The following SNX31 variants were observed in gnomAD, a reference collection of about 807,000 sequenced individuals.
SNX31 encodes sorting nexin 31.
Under a neutral mutation model 65.4 loss-of-function variants are expected in SNX31, and 58 were observed. That is an observed-to-expected ratio of 0.89 (90% confidence interval 0.72 to 1.10). SNX31 has a LOEUF of 1.10. Among genes scored for constraint, SNX31 ranks in the 50% least tolerant of loss-of-function variants. SNX31 has a pLI of 0.00. For synonymous variants in SNX31, 181 were observed against 190.1 expected, an observed-to-expected ratio of 0.95 and a Z score of 0.39; for missense variants, 523 against 529.7, an observed-to-expected ratio of 0.99 and a Z score of 0.12.
chr8:100,604,291 T>A lies in SNX31; in HGVS notation c.682-3850A>T, dbSNP rs530741548. 6.6e-6 allele frequency among the ~76,000 whole-genome samples: 1 copy of A among 152,346 alleles called. No individual in the cohort carries two copies. The highest frequency in any genetic ancestry group is 1.9e-4 in the East Asian group (1 of 5,190). ...AAAAAAATAATAAAATTAAAAATTTTAAAAATCAAGCAAAATCACATAAGC... is the reference window on the plus strand; with the variant it reads ...AAAAAAATAATAAAATTAAAAATTTAAAAAATCAAGCAAAATCACATAAGC... On this transcript the variant is annotated intron_variant, in intron 8 of 13. Coordinates refer to ENST00000311812, the MANE Select transcript of SNX31 (RefSeq NM_152628.4). The surrounding 1 kb of genome is among the most constrained non-coding windows in gnomAD (Gnocchi z 4.3).
chr8:100,580,725 C>T (rs1437070144), intron 12 of SNX31, among the ~76,000 whole-genome samples: 2 of 152,076 alleles, frequency 1.3e-5, no homozygotes, highest in African/African-American at 4.8e-5. Context: ...ATGGAGCCAC[C>T]CCATCCAGCC....
chr8:100,585,192 A>G (rs1204145085), intron 11 of SNX31, among the ~76,000 whole-genome samples: 1 of 152,162 alleles, frequency 6.6e-6, no homozygotes, highest in Non-Finnish European at 1.5e-5. Flanking sequence ...CTATGAGCAA[A>G]ATTGAAGGTT....
At chr8:100,581,337 C>CTATATCTATATCTA (rs1318531944) in intron 12 of SNX31, among the ~76,000 whole-genome samples, 8 of 125,460 alleles carry the variant, frequency 6.4e-5, no homozygotes, top group African/African-American at 1.6e-4. Context: ...ATCTATCTAT[C>CTATATCTATATCTA]TATATATATA....
intron 8 of SNX31, among the ~76,000 whole-genome samples, chr8:100,603,321 C>G (rs1285381830): frequency 6.6e-6 from 1 of 152,130 alleles, no homozygotes; most frequent in Non-Finnish European, 1.5e-5. Flanking sequence ...AAACAGGAGT[C>G]ACAGCAATAA....
At chr8:100,655,480 T>A (rs1167826794) in intron 1 of SNX31, among the ~76,000 whole-genome samples, 1 of 152,140 alleles carries the variant, frequency 6.6e-6, no homozygotes, top group Non-Finnish European at 1.5e-5. Context: ...TGGTGGTGAA[T>A]ACGTCTCACA....
intron 12 of SNX31, among the ~76,000 whole-genome samples, chr8:100,581,748 T>C (rs899833114): frequency 1.3e-5 from 2 of 152,130 alleles, no homozygotes; most frequent in Non-Finnish European, 2.9e-5. Context: ...AGTTTTGACT[T>C]TGTGTGTTTC....
rs1199260193 is a variant in SNX31, at chr8:100,575,015, T to G, written c.1228-1055A>C. The stretch of plus-strand genomic sequence containing the variant: ...GCAAATCTTTAAAGAGTAATTTGCC[T>G]TCAGTACTTATGAAATCTCAAAGAC... On this transcript the variant is annotated intron_variant, in intron 13 of 13. Transcript: ENST00000311812. This position sits in a 1 kb window ranked among gnomAD's most constrained non-coding sequence, Gnocchi z 5.1. 6.6e-6 allele frequency among the ~76,000 whole-genome samples: 1 copy of G among 152,210 alleles called. No individual in the cohort carries two copies. Among genetic ancestry groups the G allele is most frequent in the African/African-American group, 2.4e-5 (1 of 41,466 alleles).
chr8:100,616,570 A>G (rs1817221402), intron 5 of SNX31, among the ~76,000 whole-genome samples: 1 of 152,236 alleles, frequency 6.6e-6, no homozygotes, highest in South Asian at 2.1e-4. Context: ...TAGAAAGACT[A>G]TGCTGGAAAT....
chr8:100,621,860 C>T (rs1275492016), intron 4 of SNX31, among the ~76,000 whole-genome samples: 1 of 152,162 alleles, frequency 6.6e-6, no homozygotes, highest in Non-Finnish European at 1.5e-5. Context: ...TTTCGATGCT[C>T]AGTGCAATTC....
chr8:100,616,063 A>T (rs528759411), intron 5 of SNX31, among the ~76,000 whole-genome samples: 3 of 152,198 alleles, frequency 2.0e-5, no homozygotes, highest in South Asian at 2.1e-4. Flanking sequence ...CGTGAGCCAC[A>T]GTGCCTGGCC....
chr8:100,596,524 A>T, intron 10 of SNX31, 115 bp downstream of exon 10: 2 of 809,428 alleles, frequency 2.5e-6, no homozygotes, highest in Non-Finnish European at 2.1e-6. Context: ...CTTAGATGTC[A>T]CTCCACTCAA....
chr8:100,608,900 C>A (rs891615111), intron 7 of SNX31, among the ~76,000 whole-genome samples: 3 of 152,130 alleles, frequency 2.0e-5, no homozygotes, highest in Non-Finnish European at 2.9e-5. Context: ...CTGGCATAGT[C>A]AACTGCCCCA....
chr8:100,595,230 G>C (rs190939928), intron 10 of SNX31, among the ~76,000 whole-genome samples: 2 of 151,972 alleles, frequency 1.3e-5, no homozygotes, highest in Non-Finnish European at 2.9e-5. Context: ...GTGGTGTAGG[G>C]AGAAGAATTA....
Position 100,575,787 on chromosome 8 carries a change from A to G in SNX31, c.1227+1232T>C, listed in dbSNP as rs915453697. Among the ~76,000 whole-genome samples the G allele has an allele frequency of 2.0e-5, 3 of 152,056 alleles. No homozygotes were observed. Among genetic ancestry groups the G allele is most frequent in the Admixed American group, 6.5e-5 (1 of 15,276 alleles). On this transcript the variant is annotated intron_variant, in intron 13 of 13. Coordinates refer to ENST00000311812, the MANE Select transcript of SNX31 (RefSeq NM_152628.4). The surrounding 1 kb of genome is among the most constrained non-coding windows in gnomAD (Gnocchi z 5.1). Reference sequence around the variant, plus strand: ...GTTCCAATTCTGGTTGTATAATAGGACCACTTGGGGAGCTTTTAAAAATTC... The same window carrying G: ...GTTCCAATTCTGGTTGTATAATAGGGCCACTTGGGGAGCTTTTAAAAATTC...
At position 100,660,603 on chromosome 8, in the gene SNX31, T is replaced by C. The variant is rs1587117287; in HGVS notation, c.-58+2539A>G. Among the ~76,000 whole-genome samples the C allele has an allele frequency of 6.6e-6, 1 of 152,072 alleles. No homozygotes were observed. The highest frequency in any genetic ancestry group is 2.4e-5 in the African/African-American group (1 of 41,398). ...GCGTCCCTGACCTGACAGAAGAAGG[T>C]TCTGTAGGGGTCAAACTTGATGCCC... On this transcript the variant is annotated intron_variant, in intron 1 of 5. Transcript: ENST00000520352. The surrounding 1 kb of genome is among the most constrained non-coding windows in gnomAD (Gnocchi z 4.1).
chr8:100,604,806 T>C lies in SNX31; in HGVS notation c.681+3688A>G, dbSNP rs1815988664. Reference sequence around the variant, plus strand: ...CATCTGCTTTAGAAAATCAAAGCTGTGCCCCTTAATAGTTAATTATGATGG... The same window carrying C: ...CATCTGCTTTAGAAAATCAAAGCTGCGCCCCTTAATAGTTAATTATGATGG... On this transcript the variant is annotated intron_variant, in intron 8 of 13. Coordinates refer to ENST00000311812, the MANE Select transcript of SNX31 (RefSeq NM_152628.4). This position sits in a 1 kb window ranked among gnomAD's most constrained non-coding sequence, Gnocchi z 4.3. Among the ~76,000 whole-genome samples, 1 of 152,238 alleles carries C rather than the reference T, an allele frequency of 6.6e-6. No homozygotes were observed. The highest frequency in any genetic ancestry group is 1.5e-5 in the Non-Finnish European group (1 of 68,036).
intron 12 of SNX31, among the ~76,000 whole-genome samples, chr8:100,579,759 C>T (rs979388590): frequency 3.3e-5 from 5 of 152,128 alleles, no homozygotes; most frequent in African/African-American, 9.7e-5. Context: ...AATCAGAAAG[C>T]CATCTTGTTC....
At chr8:100,605,016 G>A (rs573213801) in intron 8 of SNX31, among the ~76,000 whole-genome samples, 191 of 151,748 alleles carry the variant, frequency 1.3e-3, no homozygotes, top group African/African-American at 4.1e-3. Context: ...CTCCTGCCTC[G>A]GCCTCCCGAG....
At chr8:100,586,576 C>A (rs1376799542) in intron 11 of SNX31, among the ~76,000 whole-genome samples, 2 of 152,198 alleles carry the variant, frequency 1.3e-5, no homozygotes, top group African/African-American at 2.4e-5. Flanking sequence ...CTACCCAAAT[C>A]TCTCTATGTC....
Sources: gnomAD v4.1 joint callset for allele counts (sites outside exome capture counted in the v4.1 genomes callset) on GRCh38, gnomAD v4.1.1 for gene constraint, Gnocchi (gnomAD v3.1) non-coding constraint, MANE v1.5 for transcripts, NCBI Gene and HGNC (gene_info 2026-07-23, HGNC 2026-07-21) for gene names.